The following CALN1 variants were observed in gnomAD, a reference collection of about 807,000 sequenced individuals.
CALN1 encodes the protein calneuron 1, also known as calcium-binding protein 8.
Under a neutral mutation model 30.6 loss-of-function variants are expected in CALN1, and 17 were observed. The observed-to-expected ratio is 0.56, with a 90% CI of 0.38 to 0.83. The LOEUF is 0.83. CALN1 is among the 40% of genes least tolerant of loss of function. CALN1 has a pLI of 0.00. For synonymous variants in CALN1, 156 were observed against 131.4 expected, an observed-to-expected ratio of 1.19 and a Z score of -1.28; for missense variants, 291 against 354.9, an observed-to-expected ratio of 0.82 and a Z score of 1.45.
chr7:72,290,268 A>G (rs1798390288), intron 2 of CALN1, among the ~76,000 whole-genome samples: 1 of 151,796 alleles, frequency 6.6e-6, no homozygotes, highest in South Asian at 2.1e-4. Flanking sequence ...AAAAGAAGAC[A>G]TGAAAACATG....
the CALN1 span, among the ~76,000 whole-genome samples, chr7:72,470,676 A>C: frequency 6.0e-4 from 91 of 152,344 alleles, no homozygotes; most frequent in South Asian, 1.0e-3. Context: ...AAATTAAACA[A>C]TAAAATAAAA....
intron 3 of CALN1, among the ~76,000 whole-genome samples, chr7:72,271,575 A>ATATATATATATATATATATATATATATAT (rs1554345806): frequency 3.8e-5 from 2 of 52,126 alleles, no homozygotes; most frequent in Non-Finnish European, 6.2e-5. Context: ...AAAAAAAAAA[A>ATATATATATATATATATATATATATATAT]ATATATATAT....
chr7:72,293,284 A>G (rs1326833422), intron 2 of CALN1, among the ~76,000 whole-genome samples: 1 of 152,170 alleles, frequency 6.6e-6, no homozygotes, highest in Non-Finnish European at 1.5e-5. Context: ...TACTATCAGA[A>G]CCTCAAAGTT....
At chr7:71,978,818 T>C (rs937728885) in intron 5 of CALN1, among the ~76,000 whole-genome samples, 4 of 152,222 alleles carry the variant, frequency 2.6e-5, no homozygotes, top group Admixed American at 2.0e-4. Flanking sequence ...ATCACTGTAG[T>C]ACATTTATGC....
At chr7:71,927,626 G>C (rs1367055986) in intron 5 of CALN1, among the ~76,000 whole-genome samples, 1 of 152,142 alleles carries the variant, frequency 6.6e-6, no homozygotes, top group Non-Finnish European at 1.5e-5. Context: ...CTGTACCTCA[G>C]AGAAGGTCCC....
At chr7:72,362,818 G>A (rs1030561129) in intron 2 of CALN1, among the ~76,000 whole-genome samples, 6 of 152,004 alleles carry the variant, frequency 3.9e-5, no homozygotes, top group East Asian at 1.9e-4. Context: ...TCACCTCCTC[G>A]GGCCAGCATC....
At chr7:72,378,045 T>C (rs1003639934) in intron 2 of CALN1, among the ~76,000 whole-genome samples, 5 of 152,126 alleles carry the variant, frequency 3.3e-5, no homozygotes, top group African/African-American at 1.2e-4. Context: ...TGTTGTTTGC[T>C]TCAACTGTTA....
intron 3 of CALN1, among the ~76,000 whole-genome samples, chr7:72,117,911 T>C (rs1371682872): frequency 6.6e-6 from 1 of 151,152 alleles, no homozygotes; most frequent in African/African-American, 2.4e-5. Context: ...TGAGCCGAGA[T>C]TGCGCCACTG....
At position 71,944,163 on chromosome 7, in the gene CALN1, T is replaced by G. The variant is rs184496047; in HGVS notation, c.501+79494A>C. 1.1e-3 allele frequency among the ~76,000 whole-genome samples: 169 copies of G among 152,270 alleles called. 3 individuals are homozygous for G. The highest frequency in any genetic ancestry group is 6.6e-3 in the Admixed American group (101 of 15,288). ...TTTTTGTAGTGTTAAACAATGCTGC[T>G]AGGCAGGGTGCAGTGGCTCAAGCCT... On this transcript the variant is annotated intron_variant, in intron 5 of 6. Coordinates refer to ENST00000395275, the MANE Select transcript of CALN1 (RefSeq NM_031468.4).
chr7:72,402,518 A>C (rs1011154649), intron 2 of CALN1, among the ~76,000 whole-genome samples: 3 of 152,184 alleles, frequency 2.0e-5, no homozygotes, highest in African/African-American at 7.2e-5. Context: ...CTCACCACAG[A>C]CCAATTCCTT....
chr7:72,490,972 C>T, the CALN1 span, among the ~76,000 whole-genome samples: 3 of 152,148 alleles, frequency 2.0e-5, no homozygotes, highest in East Asian at 1.9e-4. Flanking sequence ...AGGCCGGGCG[C>T]GGTGGCTCAC....
chr7:72,199,537 TAGTG>T (rs1424285909), intron 3 of CALN1, among the ~76,000 whole-genome samples: 1 of 152,058 alleles, frequency 6.6e-6, no homozygotes, highest in African/African-American at 2.4e-5. Context: ...TTGGGCAACA[TAGTG>T]AGACCACATC....
At chr7:72,186,127 C>A (rs758744827) in intron 3 of CALN1, among the ~76,000 whole-genome samples, 10 of 151,980 alleles carry the variant, frequency 6.6e-5, no homozygotes, top group African/African-American at 9.7e-5. Context: ...CTGGTCACCT[C>A]CAAAAGCAGG....
chr7:72,281,278 C>T (rs1797720083), intron 2 of CALN1, among the ~76,000 whole-genome samples: 1 of 152,174 alleles, frequency 6.6e-6, no homozygotes, highest in Non-Finnish European at 1.5e-5. Flanking sequence ...TGCCCTTGGA[C>T]TTCCCAGCCT....
At chr7:72,458,762 C>CTATATTATATAATATATTT in the CALN1 span, among the ~76,000 whole-genome samples, 20 of 86,724 alleles carry the variant, frequency 2.3e-4, no homozygotes, top group African/African-American at 9.5e-4. Flanking sequence ...ATAATATATT[C>CTATATTATATAATATATTT]TATATTATAT....
At chr7:71,957,462 A>T (rs993510926) in intron 5 of CALN1, among the ~76,000 whole-genome samples, 1 of 152,152 alleles carries the variant, frequency 6.6e-6, no homozygotes, top group Non-Finnish European at 1.5e-5. Flanking sequence ...TCTGCAAAAA[A>T]TCAAACCCCA....
At chr7:72,059,450 C>G (rs1584855793) in intron 4 of CALN1, among the ~76,000 whole-genome samples, 1 of 115,970 alleles carries the variant, frequency 8.6e-6, no homozygotes, top group East Asian at 2.2e-4. Flanking sequence ...CTTGCCTTGG[C>G]AAAAGTTTTC....
chr7:72,327,480 C>T (rs1039841033), intron 2 of CALN1, among the ~76,000 whole-genome samples: 4 of 152,212 alleles, frequency 2.6e-5, no homozygotes, highest in Non-Finnish European at 4.4e-5. Flanking sequence ...CAGAGCAAGA[C>T]TCTGTCTCAA....
At chr7:72,208,645 G>A (rs532410297) in intron 3 of CALN1, among the ~76,000 whole-genome samples, 2 of 152,202 alleles carry the variant, frequency 1.3e-5, no homozygotes, top group African/African-American at 2.4e-5. Context: ...TTGCTTTTCC[G>A]TATTTTCCAG....
Sources: allele counts gnomAD v4.1 joint callset (sites outside exome capture counted in the v4.1 genomes callset), GRCh38; gene constraint gnomAD v4.1.1; transcripts MANE v1.5; gene names NCBI Gene and HGNC (gene_info 2026-07-23, HGNC 2026-07-21).